The following TRPA1 variants were observed in gnomAD, a reference collection of about 807,000 sequenced individuals.
TRPA1 encodes the protein ankyrin-like with transmembrane domains 1.
A neutral mutation model predicts 131.3 loss-of-function variants in TRPA1; 129 were observed. The observed-to-expected ratio is 0.98, with a 90% CI of 0.85 to 1.14. The LOEUF (loss-of-function observed/expected upper bound fraction) is 1.14, where lower values mean the gene tolerates loss of function less well. TRPA1 is among the 50% of genes most tolerant of loss of function. The pLI is 0.00. For synonymous variants in TRPA1, 441 were observed against 451.7 expected (o/e 0.98, Z 0.30); for missense variants, 1,304 against 1,354.2 (o/e 0.96, Z 0.58).
intron 21 of TRPA1, 22 bp from the exon 22 acceptor site, chr8:72,034,399 AAT>A: frequency 1.4e-6 from 2 of 1,411,984 alleles, no homozygotes; most frequent in Non-Finnish European, 2.0e-6. Context: ...AAAAAAAAAA[AAT>A]TTACTCACTT....
Position 72,052,465 on chromosome 8 carries a change from T to A in TRPA1, c.1811+134A>T, listed in dbSNP as rs554204044. 4,036 of 1,054,720 alleles carry A rather than the reference T, an allele frequency of 3.8e-3. 18 individuals are homozygous for A. Among genetic ancestry groups the A allele is most frequent in the Non-Finnish European group, 4.7e-3 (3,428 of 722,188 alleles). 65.3% of individuals were successfully genotyped at this position (1,054,720 alleles called of 1,614,324 possible). ...TAAAAAATAAAAAACCTTTAAAAAA[T>A]TGATGTAAACAACTGATATTTTAAA... is the stretch of plus-strand genomic sequence containing the variant. On this transcript the variant is annotated intron_variant, in intron 14 of 26. Coordinates refer to ENST00000262209, the MANE Select transcript of TRPA1 (RefSeq NM_007332.3).
intron 17 of TRPA1, among the ~76,000 whole-genome samples, chr8:72,042,206 A>G (rs1190051301): frequency 6.6e-6 from 1 of 151,944 alleles, no homozygotes; most frequent in African/African-American, 2.4e-5. Flanking sequence ...ACAAGACAAT[A>G]AATAACCCAA....
At chr8:72,070,775 G>A (rs113223995) in intron 2 of TRPA1, among the ~76,000 whole-genome samples, 44 of 152,238 alleles carry the variant, frequency 2.9e-4, no homozygotes, top group Non-Finnish European at 5.7e-4. Context: ...CATTTCCACT[G>A]TCTCAGTGAC....
At position 72,075,291 on chromosome 8, in the gene TRPA1, C is replaced by T. The variant is rs1389294089; in HGVS notation, c.111+8G>A. Reference sequence around the variant, plus strand: ...GAACCCCTCCAGACCCGCGAGCCCCCAGAGTACCTTAAGCGATTCCTTGAA... The same window carrying T: ...GAACCCCTCCAGACCCGCGAGCCCCTAGAGTACCTTAAGCGATTCCTTGAA... On this transcript the variant is annotated splice_region_variant and intron_variant, in intron 1 of 26. Coordinates refer to ENST00000262209, the MANE Select transcript of TRPA1 (RefSeq NM_007332.3). 6.2e-7 allele frequency: 1 copy of T among 1,610,462 alleles called. No homozygotes were observed. Among genetic ancestry groups the T allele is most frequent in the South Asian group, 1.1e-5 (1 of 91,016 alleles).
intron 17 of TRPA1, among the ~76,000 whole-genome samples, chr8:72,040,534 AAACTCCC>A (rs1419048907): frequency 1.3e-5 from 2 of 152,132 alleles, no homozygotes; most frequent in Non-Finnish European, 2.9e-5. Context: ...CATTGGGAGA[AAACTCCC>A]AACTCCTGCC....
In TRPA1 at chr8:72,022,987, T is replaced by C; in HGVS notation, c.3279A>G (p.Lys1093=). The C allele has an allele frequency of 1.2e-6, 2 of 1,613,930 alleles. No individual in the cohort carries two copies. Among genetic ancestry groups the C allele is most frequent in the Non-Finnish European group, 1.7e-6 (2 of 1,179,880 alleles). ...TGCTATTCCTTTGTTCCATCTGCTC[T>C]TTCTTAAACCTGTCTTGAAAAGAAC... The part of the protein sequence containing the change: ...SHCSFQDRFK[K]EQMEQRNSRW... Residue 1093 remains lysine, a synonymous_variant, in exon 27 of 27, where the codon AAA becomes AAG. Transcript: ENST00000262209.
At chr8:72,030,773 C>T (rs750231392) in intron 23 of TRPA1, among the ~76,000 whole-genome samples, 1 of 152,028 alleles carries the variant, frequency 6.6e-6, no homozygotes, top group African/African-American at 2.4e-5. Context: ...TTATATCTTA[C>T]ATATGTTCAG....
At chr8:72,050,949 T>G in intron 14 of TRPA1, 78 bp from the exon 15 acceptor site, 1 of 1,075,302 alleles carries the variant, frequency 9.3e-7, no homozygotes, top group Non-Finnish European at 1.4e-6. Flanking sequence ...TCAAGATTAT[T>G]TCTTTAGGGG....
At chr8:72,038,670 C>A in intron 19 of TRPA1, 195 bp downstream of exon 19, 1 of 553,748 alleles carries the variant, frequency 1.8e-6, no homozygotes, top group East Asian at 3.0e-5. Context: ...TTTACAAACT[C>A]ATTAGTTGAC....
At chr8:72,087,280 GGCATGGA>G in the TRPA1 span, among the ~76,000 whole-genome samples, 2 of 152,166 alleles carry the variant, frequency 1.3e-5, no homozygotes, top group African/African-American at 4.8e-5. Context: ...GTTGAAATCA[GGCATGGA>G]GCCAGCTTTA....
Position 72,069,112 on chromosome 8 carries a change from TGAG to T in TRPA1, c.352_354del (p.Leu118del). On this transcript the variant is annotated inframe_deletion, in exon 3 of 27. Transcript: ENST00000262209. ...CGGAGATTTGGGTTTGCTCCTCTGCTGAGAAGAAACTTAACGCTTTCAATTTGG... is the reference window on the plus strand; with the variant it reads ...CGGAGATTTGGGTTTGCTCCTCTGCTAAGAAACTTAACGCTTTCAATTTGG... 1 of 1,614,224 alleles carries T rather than the reference TGAG, an allele frequency of 6.2e-7. No homozygotes were observed.
At chr8:72,055,915 T>C (rs183936838) in intron 10 of TRPA1, 60 bp from the exon 11 acceptor site, 11 of 1,560,684 alleles carry the variant, frequency 7.0e-6, no homozygotes, top group East Asian at 2.3e-5. Context: ...ATGATGGTTT[T>C]CAAACTATTC....
chr8:72,053,449 C>A (rs145950087), intron 13 of TRPA1: 6 of 415,248 alleles, frequency 1.4e-5, no homozygotes, highest in African/African-American at 1.2e-4. Flanking sequence ...GAAAACTCAC[C>A]CCTGCCTTCA....
chr8:72,072,472 T>C (rs550286217), intron 1 of TRPA1, among the ~76,000 whole-genome samples: 11 of 152,314 alleles, frequency 7.2e-5, no homozygotes, highest in Admixed American at 5.2e-4. Context: ...AACAAGTCAC[T>C]CTTCTATGGT....
intron 7 of TRPA1, 149 bp downstream of exon 7, chr8:72,061,476 G>A (rs1174667680): frequency 3.5e-5 from 30 of 852,216 alleles, no homozygotes; most frequent in African/African-American, 8.4e-5. Context: ...ACGCGATTCC[G>A]GTTGATCCAC....
At chr8:72,066,521 C>T (rs1423488740) in intron 3 of TRPA1, among the ~76,000 whole-genome samples, 3 of 152,152 alleles carry the variant, frequency 2.0e-5, no homozygotes, top group African/African-American at 4.8e-5. Context: ...GTTAACAGAA[C>T]GTATCCCTTG....
intron 3 of TRPA1, 47 bp downstream of exon 3, chr8:72,068,976 C>G (rs776275600): frequency 2.3e-5 from 37 of 1,606,996 alleles, no homozygotes; most frequent in Non-Finnish European, 3.2e-5. Flanking sequence ...TGGGTCCCAG[C>G]ACCTGCACCG....
rs1309453007 is a variant in TRPA1, at chr8:72,023,059, A to G, written c.3207T>C (p.Ile1069=). The G allele has an allele frequency of 1.9e-6, 3 of 1,613,648 alleles. No individual in the cohort carries two copies. In the African/African-American group the frequency reaches 4.0e-5, roughly 22 times the overall value. The change falls in exon 27 of 27, where the codon ATT becomes ATC. Residue 1069 remains isoleucine, a synonymous_variant. Transcript: ENST00000262209. ...EKQHELIKLI[I]QKMEIISETE... ...TCTCAGAGATGATCTCCATCTTCTGAATGATCAGTTTAATGAGCTCATGCT... is the reference window on the plus strand; with the variant it reads ...TCTCAGAGATGATCTCCATCTTCTGGATGATCAGTTTAATGAGCTCATGCT...
chr8:72,024,043 A>G (rs1811494301), intron 25 of TRPA1, 132 bp from the exon 26 acceptor site: 6 of 650,912 alleles, frequency 9.2e-6, no homozygotes, highest in South Asian at 1.7e-5. Flanking sequence ...GGAACCCACA[A>G]TCTGCTAGGA....
Sources: allele counts gnomAD v4.1 joint callset (sites outside exome capture counted in the v4.1 genomes callset), GRCh38; gene constraint gnomAD v4.1.1; transcripts MANE v1.5; gene names NCBI Gene and HGNC (gene_info 2026-07-23, HGNC 2026-07-21).